Variants in TBCEL observed in about 807,000 individuals in gnomAD.
TBCEL encodes tubulin folding cofactor E like, also known as tubulin-specific chaperone cofactor E-like protein.
In TBCEL, 15 loss-of-function variants were observed where a neutral mutation model predicts 44.2. The observed-to-expected ratio is 0.34, with a 90% CI of 0.23 to 0.52. The LOEUF is 0.52. Ranked by LOEUF, TBCEL falls within the 20% of genes least tolerant of loss-of-function variation. The pLI, the probability that TBCEL is intolerant of heterozygous loss-of-function variation, is 0.95. For missense variants in TBCEL, 319 were observed against 506.3 expected, an observed-to-expected ratio of 0.63 and a Z score of 3.55; for synonymous variants, 171 against 185.4, an observed-to-expected ratio of 0.92 and a Z score of 0.63.
chr11:121,063,326 G>A (rs969851494), intron 8 of TBCEL, among the ~76,000 whole-genome samples: 18 of 151,718 alleles, frequency 1.2e-4, no homozygotes, highest in East Asian at 1.2e-3. Flanking sequence ...CAATATCTAC[G>A]CATACATTTT....
chr11:121,062,719 A>G (rs1591404014), intron 8 of TBCEL, among the ~76,000 whole-genome samples: 1 of 152,194 alleles, frequency 6.6e-6, no homozygotes, highest in African/African-American at 2.4e-5. Context: ...AAAGGAATTT[A>G]TTGAAAGACT....
chr11:121,081,989 A>G (rs553139493), intron 8 of TBCEL, among the ~76,000 whole-genome samples: 2 of 152,344 alleles, frequency 1.3e-5, no homozygotes, highest in East Asian at 3.9e-4. Flanking sequence ...TGATTTTAAG[A>G]TTTAAACAAG....
At chr11:121,033,016 A>C (rs1459532669) in intron 1 of TBCEL, among the ~76,000 whole-genome samples, 1 of 152,168 alleles carries the variant, frequency 6.6e-6, no homozygotes, top group African/African-American at 2.4e-5. Flanking sequence ...TAGCATTAGC[A>C]CTTTCCCCTC....
chr11:121,050,913 A>G (rs1945517544), intron 4 of TBCEL, among the ~76,000 whole-genome samples: 1 of 151,660 alleles, frequency 6.6e-6, no homozygotes, highest in African/African-American at 2.4e-5. Flanking sequence ...TTTAGAATTT[A>G]AAAAAGAGAA....
rs1216937441 is a variant in TBCEL, at chr11:121,024,308, CCGCTGGCTCTGCCGGGCT to C, written c.-126+19_-126+36del. 2 of 152,436 alleles carry C rather than the reference CCGCTGGCTCTGCCGGGCT, an allele frequency of 1.3e-5. No homozygotes were observed. The highest frequency in any genetic ancestry group is 4.8e-5 in the African/African-American group (2 of 41,464). The allele number at this position is 152,436 out of a possible 1,614,324, so 9.4% of individuals were successfully genotyped here. A position where few individuals can be genotyped will look rare whatever the true frequency, so the allele number is the denominator to read the frequency against. On this transcript the variant is annotated intron_variant, in intron 1 of 8. Transcript: ENST00000683345. ...GGCTGAGGGGTGAGTGGAGCCGGGC[CCGCTGGCTCTGCCGGGCT>C]CTCGAGGCCCGAGGCGTTCCCCTCT...
rs141761396 is a variant in TBCEL at position 121,044,694 on chromosome 11, G to A, written c.-17-980G>A. Among the ~76,000 whole-genome samples the A allele has an allele frequency of 2.5e-3, 383 of 152,134 alleles. 1 individual carries two copies. Among genetic ancestry groups the A allele is most frequent in the African/African-American group, 3.6e-3 (150 of 41,506 alleles). Reference sequence around the variant, plus strand: ...AGTTATCAGGTTGTTAGAAGTTAGCGTGTTGTTTAATATTACCTGTTTTAA... The same window carrying A: ...AGTTATCAGGTTGTTAGAAGTTAGCATGTTGTTTAATATTACCTGTTTTAA... On this transcript the variant is annotated intron_variant, in intron 2 of 8. Coordinates refer to ENST00000683345, the MANE Select transcript of TBCEL (RefSeq NM_001363644.2).
intron 8 of TBCEL, among the ~76,000 whole-genome samples, chr11:121,074,931 C>G (rs1946005650): frequency 6.6e-6 from 1 of 151,974 alleles, no homozygotes; most frequent in African/African-American, 2.4e-5. Context: ...TAGTTTCCCT[C>G]AATTGTAAAA....
At chr11:121,072,697 T>C (rs184688546) in intron 8 of TBCEL, among the ~76,000 whole-genome samples, 10 of 152,288 alleles carry the variant, frequency 6.6e-5, no homozygotes, top group Non-Finnish European at 5.9e-5. Flanking sequence ...TCGTATTTTG[T>C]TGAAAAAAAC....
intron 5 of TBCEL, 142 bp from the exon 6 acceptor site, chr11:121,054,910 G>A: frequency 1.2e-6 from 1 of 833,802 alleles, no homozygotes; most frequent in African/African-American, 1.8e-5. Flanking sequence ...ACTTCAGGAA[G>A]ACATCTTGGT....
At chr11:121,030,594 T>TA (rs1463782245) in intron 1 of TBCEL, among the ~76,000 whole-genome samples, 1 of 152,168 alleles carries the variant, frequency 6.6e-6, no homozygotes, top group Non-Finnish European at 1.5e-5. Flanking sequence ...GCTGATTAGT[T>TA]ACACAGGGGT....
chr11:121,027,525 T>C (rs1945067621), intron 1 of TBCEL, among the ~76,000 whole-genome samples: 2 of 152,174 alleles, frequency 1.3e-5, no homozygotes, highest in African/African-American at 4.8e-5. Flanking sequence ...ACAGACTTCC[T>C]CTACTTTTTT....
chr11:121,059,907 C>A, intron 7 of TBCEL, 62 bp from the exon 8 acceptor site: 2 of 1,201,930 alleles, frequency 1.7e-6, no homozygotes, highest in South Asian at 1.4e-5. Context: ...CAATTAGTTT[C>A]TTTCTAAAGC....
At chr11:121,060,813 T>C (rs1276441294) in intron 8 of TBCEL, among the ~76,000 whole-genome samples, 1 of 152,026 alleles carries the variant, frequency 6.6e-6, no homozygotes, top group Admixed American at 6.6e-5. Context: ...ACTTTAAGGA[T>C]AATATGAATA....
At chr11:121,031,407 T>C (rs1945141016) in intron 1 of TBCEL, among the ~76,000 whole-genome samples, 1 of 152,230 alleles carries the variant, frequency 6.6e-6, no homozygotes, top group South Asian at 2.1e-4. Flanking sequence ...CTCATTGAGA[T>C]TTTAATTTTT....
At chr11:121,048,948 G>GCTGT (rs1945481582) in intron 4 of TBCEL, among the ~76,000 whole-genome samples, 1 of 151,762 alleles carries the variant, frequency 6.6e-6, no homozygotes, top group Non-Finnish European at 1.5e-5. Flanking sequence ...ATTTTCCCTG[G>GCTGT]CTGTCTCACA....
At chr11:121,059,678 C>A (rs925255759) in intron 7 of TBCEL, among the ~76,000 whole-genome samples, 1 of 151,872 alleles carries the variant, frequency 6.6e-6, no homozygotes, top group South Asian at 2.1e-4. Context: ...TTTAAAATTA[C>A]ATATGTGGCT....
chr11:121,067,451 A>G (rs928841458), intron 8 of TBCEL, among the ~76,000 whole-genome samples: 1 of 152,218 alleles, frequency 6.6e-6, no homozygotes, highest in Non-Finnish European at 1.5e-5. Flanking sequence ...TAGAGCTGGA[A>G]GTTTAGCCTC....
At position 121,090,139 on chromosome 11, in the gene TBCEL, G is replaced by A. The variant is rs1010314850; in HGVS notation, c.*3043G>A. 6 of 152,112 alleles carry A rather than the reference G, an allele frequency of 3.9e-5. No homozygotes were observed. The highest frequency in any genetic ancestry group is 1.4e-4 in the African/African-American group (6 of 41,416). 9.4% of individuals were successfully genotyped at this position (152,112 alleles called of 1,614,324 possible). A position where few individuals can be genotyped will look rare whatever the true frequency, so the allele number is the denominator to read the frequency against. ...TTAAGACTTCTCAGTTAATATTAAGGCCAAAATATAACTTGAGCTAGGTAT... is the reference window on the plus strand; with the variant it reads ...TTAAGACTTCTCAGTTAATATTAAGACCAAAATATAACTTGAGCTAGGTAT... On this transcript the variant is annotated 3_prime_UTR_variant, in exon 9 of 9. Coordinates refer to ENST00000683345, the MANE Select transcript of TBCEL (RefSeq NM_001363644.2).
chr11:121,075,845 T>G (rs1459725129), intron 8 of TBCEL, among the ~76,000 whole-genome samples: 3 of 151,998 alleles, frequency 2.0e-5, no homozygotes, highest in Admixed American at 2.0e-4. Flanking sequence ...CACACCTAGC[T>G]TATATGGTAC....
Sources: gnomAD v4.1 joint callset for allele counts (sites outside exome capture counted in the v4.1 genomes callset) on GRCh38, gnomAD v4.1.1 for gene constraint, MANE v1.5 for transcripts, NCBI Gene and HGNC (gene_info 2026-07-23, HGNC 2026-07-21) for gene names.